SGCZ: variants seen among roughly 807,000 people sequenced by gnomAD.
SGCZ encodes the protein zeta-sarcoglycan.
SGCZ carries 40 observed loss-of-function variants against 41.3 expected under a neutral mutation model. The observed-to-expected ratio is 0.97, with a 90% CI of 0.75 to 1.26. The LOEUF (loss-of-function observed/expected upper bound fraction) is 1.26, where lower values mean the gene tolerates loss of function less well. SGCZ is among the 50% of genes most tolerant of loss of function. The pLI, the probability that SGCZ is intolerant of heterozygous loss-of-function variation, is 0.00. For synonymous variants in SGCZ, 206 were observed against 137.5 expected (o/e 1.50, Z -3.49); for missense variants, 552 against 369.8 (o/e 1.49, Z -4.04).
intron 1 of SGCZ, among the ~76,000 whole-genome samples, chr8:14,644,936 G>T (rs1477707929): frequency 5.2e-5 from 5 of 96,512 alleles, no homozygotes; most frequent in Admixed American, 4.3e-4. Context: ...TAAAGCCTTT[G>T]TGTAGTTGCA....
intron 1 of SGCZ, among the ~76,000 whole-genome samples, chr8:14,849,912 T>C (rs963614166): frequency 3.9e-5 from 6 of 152,196 alleles, no homozygotes; most frequent in Non-Finnish European, 8.8e-5. Context: ...AAATGTCTCT[T>C]TTATTTCTTT....
intron 1 of SGCZ, among the ~76,000 whole-genome samples, chr8:15,095,791 T>G (rs1382196164): frequency 6.6e-6 from 1 of 151,946 alleles, no homozygotes; most frequent in Non-Finnish European, 1.5e-5. Flanking sequence ...AGTCGAGGAG[T>G]TGCCAAATCA....
At chr8:14,903,674 T>C (rs1314874619) in intron 1 of SGCZ, among the ~76,000 whole-genome samples, 3 of 152,100 alleles carry the variant, frequency 2.0e-5, no homozygotes, top group Non-Finnish European at 4.4e-5. Context: ...GAACGTCTTA[T>C]GTATTACTGG....
rs534740656 is a variant in SGCZ at position 14,275,647 on chromosome 8, C to T, written c.337-37968G>A. 4.2e-4 allele frequency among the ~76,000 whole-genome samples: 64 copies of T among 152,278 alleles called. 1 individual carries two copies. Among genetic ancestry groups the T allele is most frequent in the African/African-American group, 1.4e-3 (58 of 41,570 alleles). On this transcript the variant is annotated intron_variant, in intron 3 of 7. Transcript: ENST00000382080. ...CTAGTGTTAGCACTGCACCAGCTTA[C>T]GGACACTGATAGGCAACTCTGTTTC...
At chr8:15,040,898 G>A (rs964158637) in intron 1 of SGCZ, among the ~76,000 whole-genome samples, 15 of 152,008 alleles carry the variant, frequency 9.9e-5, no homozygotes, top group African/African-American at 3.6e-4. Context: ...AAACTTGATT[G>A]AAAAGCTATA....
intron 1 of SGCZ, among the ~76,000 whole-genome samples, chr8:14,880,914 C>A (rs1443672075): frequency 2.6e-5 from 4 of 151,834 alleles, no homozygotes; most frequent in Non-Finnish European, 5.9e-5. Flanking sequence ...TGTAACAAAC[C>A]TGCATGTTGT....
chr8:14,709,018 C>T (rs1327030161), intron 1 of SGCZ, among the ~76,000 whole-genome samples: 2 of 152,058 alleles, frequency 1.3e-5, no homozygotes, highest in Non-Finnish European at 2.9e-5. Context: ...TGGCTAAACT[C>T]TATCATTCAG....
At chr8:14,764,700 T>C (rs574993772) in intron 1 of SGCZ, among the ~76,000 whole-genome samples, 2 of 152,308 alleles carry the variant, frequency 1.3e-5, no homozygotes, top group African/African-American at 4.8e-5. Context: ...ATGAAATTCT[T>C]GTACCTTGAT....
chr8:14,529,973 C>T (rs1803076322), intron 2 of SGCZ, among the ~76,000 whole-genome samples: 1 of 152,068 alleles, frequency 6.6e-6, no homozygotes, highest in African/African-American at 2.4e-5. Context: ...ATTAAGAATG[C>T]ACAAGTGCTG....
chr8:15,205,931 T>C (rs1801046146), intron 1 of SGCZ, among the ~76,000 whole-genome samples: 1 of 152,224 alleles, frequency 6.6e-6, no homozygotes, highest in Non-Finnish European at 1.5e-5. Context: ...TTGTGTCTTT[T>C]GTGGGAACAT....
intron 2 of SGCZ, among the ~76,000 whole-genome samples, chr8:14,550,715 C>G (rs1028952314): frequency 6.6e-6 from 1 of 151,966 alleles, no homozygotes; most frequent in Non-Finnish European, 1.5e-5. Context: ...TGCTGGTAAC[C>G]TTGCCATCAA....
chr8:14,543,326 C>A (rs1375998121), intron 2 of SGCZ, among the ~76,000 whole-genome samples: 2 of 151,920 alleles, frequency 1.3e-5, no homozygotes, highest in African/African-American at 4.8e-5. Context: ...ATTTAACTTT[C>A]AAAATTGTGA....
chr8:14,425,382 A>C (rs6989578), intron 2 of SGCZ, among the ~76,000 whole-genome samples: 74,248 of 151,950 alleles, frequency 0.49, 19,532 homozygotes, highest in Non-Finnish European at 0.59. Context: ...GCACTTTGGG[A>C]GGCCGAGGCA....
intron 1 of SGCZ, among the ~76,000 whole-genome samples, chr8:15,187,530 C>A (rs1800384096): frequency 3.3e-5 from 5 of 151,936 alleles, no homozygotes; most frequent in Admixed American, 3.3e-4. Context: ...TCTTTTACTG[C>A]ATGAGTTAAT....
chr8:14,292,070 T>C (rs1159382573), intron 3 of SGCZ, among the ~76,000 whole-genome samples: 2 of 152,080 alleles, frequency 1.3e-5, no homozygotes, highest in East Asian at 3.9e-4. Context: ...GCTTCAAGGC[T>C]CAAGACTGTG....
chr8:14,603,265 A>C (rs558156247), intron 1 of SGCZ, among the ~76,000 whole-genome samples: 47 of 152,342 alleles, frequency 3.1e-4, no homozygotes, highest in African/African-American at 1.1e-3. Flanking sequence ...GACATTGAAA[A>C]TTAAAAGTAA....
intron 2 of SGCZ, among the ~76,000 whole-genome samples, chr8:14,390,175 T>G (rs1226297112): frequency 6.6e-6 from 1 of 152,010 alleles, no homozygotes; most frequent in Non-Finnish European, 1.5e-5. Context: ...AAGCAAATCA[T>G]ATTAATAAAA....
chr8:14,375,963 C>A (rs1251130788), intron 2 of SGCZ, among the ~76,000 whole-genome samples: 1 of 152,114 alleles, frequency 6.6e-6, no homozygotes, highest in Non-Finnish European at 1.5e-5. Flanking sequence ...CAAACTATAA[C>A]TTAATGTATT....
intron 4 of SGCZ, 92 bp downstream of exon 4, chr8:14,237,500 A>AACAACAACG (rs1585263737): frequency 8.6e-7 from 1 of 1,157,606 alleles, no homozygotes; most frequent in South Asian, 1.3e-5. Context: ...CAACAACAAC[A>AACAACAACG]ACAACAACGA....
Sources: allele counts gnomAD v4.1 joint callset (sites outside exome capture counted in the v4.1 genomes callset), GRCh38; gene constraint gnomAD v4.1.1; transcripts MANE v1.5; gene names NCBI Gene and HGNC (gene_info 2026-07-23, HGNC 2026-07-21).